The following BST1 variants were observed in gnomAD, a reference collection of about 807,000 sequenced individuals.
BST1 encodes the protein bone marrow stromal cell antigen 1.
Under a neutral mutation model 40.6 loss-of-function variants are expected in BST1, and 49 were observed. The ratio of observed to expected loss-of-function variants is 1.21; its 90% CI spans 0.96 to 1.53. The LOEUF (loss-of-function observed/expected upper bound fraction) is 1.53, where lower values mean the gene tolerates loss of function less well. BST1 is among the 40% of genes most tolerant of loss of function. BST1 has a pLI of 0.00. For synonymous variants in BST1, 157 were observed against 159.3 expected (o/e 0.99, Z 0.11); for missense variants, 423 against 395.9 (o/e 1.07, Z -0.58).
chr4:15,747,692 G>C, the BST1 span, among the ~76,000 whole-genome samples: 1 of 152,092 alleles, frequency 6.6e-6, no homozygotes, highest in African/African-American at 2.4e-5. Context: ...ATTTATTAGA[G>C]ACAAGTTCCT....
the BST1 span, among the ~76,000 whole-genome samples, chr4:15,744,101 T>C: frequency 6.6e-6 from 1 of 152,324 alleles, no homozygotes; most frequent in East Asian, 1.9e-4. Flanking sequence ...CTGTGTAGTA[T>C]ACAGATGAGG....
chr4:15,712,389 C>T (rs978994209), intron 4 of BST1, among the ~76,000 whole-genome samples: 2 of 152,154 alleles, frequency 1.3e-5, no homozygotes, highest in Admixed American at 6.5e-5. Flanking sequence ...ATGATGTCAC[C>T]AGAGTTGATG....
At chr4:15,738,864 A>C (rs912254805), downstream of BST1, among the ~76,000 whole-genome samples, 8 of 152,228 alleles carry the variant, frequency 5.3e-5, no homozygotes, top group Non-Finnish European at 1.0e-4. Flanking sequence ...AACATGGCTG[A>C]TTGAGAAGTA....
the BST1 span, among the ~76,000 whole-genome samples, chr4:15,748,861 G>A: frequency 2.4e-3 from 369 of 152,272 alleles, 1 homozygote; most frequent in African/African-American, 8.4e-3. Flanking sequence ...CTATAATAGC[G>A]TGTAAGTCAG....
the BST1 span, among the ~76,000 whole-genome samples, chr4:15,746,900 G>A: frequency 6.6e-6 from 1 of 152,160 alleles, no homozygotes; most frequent in Non-Finnish European, 1.5e-5. Flanking sequence ...AACTGAGGGG[G>A]CCCATGATTG....
chr4:15,703,066 T>G lies in BST1; in HGVS notation c.-79T>G. Reference sequence around the variant, plus strand: ...ATCCGAGCGAGAGTCCCGCCCTGCATCAGTTTGCGGAACCGCCTTGGTAGA... The same window carrying G: ...ATCCGAGCGAGAGTCCCGCCCTGCAGCAGTTTGCGGAACCGCCTTGGTAGA... On this transcript the variant is annotated 5_prime_UTR_variant, in exon 1 of 9. Coordinates refer to ENST00000265016, the MANE Select transcript of BST1 (RefSeq NM_004334.3). 2 of 1,473,328 alleles carry G rather than the reference T, an allele frequency of 1.4e-6. No individual in the cohort carries two copies. The allele number at this position is 1,473,328 out of a possible 1,614,324, so 91.3% of individuals were successfully genotyped here.
intron 8 of BST1, among the ~76,000 whole-genome samples, chr4:15,727,962 G>T (rs769868786): frequency 6.6e-6 from 1 of 151,348 alleles, no homozygotes. Context: ...ACAGCAAGCA[G>T]AAGACCCCAT....
chr4:15,769,771 A>G, the BST1 span, among the ~76,000 whole-genome samples: 1 of 152,146 alleles, frequency 6.6e-6, no homozygotes, highest in Admixed American at 6.5e-5. Context: ...TACTACCAAA[A>G]TGTTAGTGGT....
intron 1 of BST1, among the ~76,000 whole-genome samples, chr4:15,705,165 A>T (rs551000283): frequency 1.3e-5 from 2 of 152,072 alleles, no homozygotes; most frequent in East Asian, 1.9e-4. Flanking sequence ...CTGGAACTGG[A>T]CTATGAGACT....
chr4:15,755,341 G>A, the BST1 span, among the ~76,000 whole-genome samples: 1 of 152,106 alleles, frequency 6.6e-6, no homozygotes, highest in Non-Finnish European at 1.5e-5. Flanking sequence ...GTTTCACCAT[G>A]TTTGTCTGGC....
the BST1 span, among the ~76,000 whole-genome samples, chr4:15,774,155 G>T: frequency 1.3e-5 from 2 of 152,178 alleles, no homozygotes; most frequent in African/African-American, 2.4e-5. Context: ...TGCAGACAGA[G>T]TGAGAAGACA....
In BST1 at chr4:15,703,233, C is replaced by T; in HGVS notation, c.89C>T (p.Ala30Val). The T allele has an allele frequency of 6.5e-7, 1 of 1,538,974 alleles. No individual in the cohort carries two copies. ...CTGTTGCTGCTGGCGGCGGGCGGGG[C>T]GCGCGCGCGGTGGCGCGGGGAGGGC... The part of the protein sequence containing the change: ...LLLLLLAAGG[A>V]RARWRGEGTS... The change falls in exon 1 of 9, where the codon GCG becomes GTG. Residue 30 changes from alanine (A) to valine (V), a missense_variant. Transcript: ENST00000265016.
rs1044979754 is a variant in BST1 at position 15,707,592 on chromosome 4, C to T, written c.397C>T (p.Leu133=). The change falls in exon 3 of 9, where the codon CTG becomes TTG. Residue 133 remains leucine, a synonymous_variant. Coordinates refer to ENST00000265016, the MANE Select transcript of BST1 (RefSeq NM_004334.3). ...TCGTTTTATGCCCCTGAGCGATGTT[C>T]TGTATGGCAGGGTTGCAGATTTCTT... ...TRRFMPLSDV[L]YGRVADFLSW... 5 of 1,613,622 alleles carry T rather than the reference C, an allele frequency of 3.1e-6. No homozygotes were observed. In the Admixed American group the frequency reaches 8.3e-5, roughly 27 times the overall value.
intron 4 of BST1, among the ~76,000 whole-genome samples, 182 bp from the exon 5 acceptor site, chr4:15,715,103 G>C (rs1380050622): frequency 1.3e-5 from 2 of 152,122 alleles, no homozygotes. Flanking sequence ...TGAGTTTTTT[G>C]ACATTTCAAG....
At chr4:15,755,191 T>G in the BST1 span, among the ~76,000 whole-genome samples, 1 of 152,134 alleles carries the variant, frequency 6.6e-6, no homozygotes, top group South Asian at 2.1e-4. Context: ...CAGGCTGGAG[T>G]GCAGTAGTGC....
the BST1 span, among the ~76,000 whole-genome samples, chr4:15,762,601 C>G: frequency 6.6e-6 from 1 of 151,842 alleles, no homozygotes; most frequent in African/African-American, 2.4e-5. Context: ...TTCTGCTAAC[C>G]CCAACTTCCT....
rs867938376 is a variant in BST1 at position 15,703,635 on chromosome 4, T to G, written c.188+303T>G. Among the ~76,000 whole-genome samples, 195 of 109,198 alleles carry G rather than the reference T, an allele frequency of 1.8e-3. 1 individual carries two copies. The highest frequency in any genetic ancestry group is 6.4e-3 in the African/African-American group (174 of 27,356). 71.6% of individuals were successfully genotyped at this position (109,198 alleles called of 152,430 possible). A position where few individuals can be genotyped will look rare whatever the true frequency, so the allele number is the denominator to read the frequency against. On this transcript the variant is annotated intron_variant, in intron 1 of 8. Transcript: ENST00000265016. ...GCGTGTGTTCTAGAGGTGAGGGGGGTGTGTGTGTGCGCGCGCTCTAGAGGT... is the reference window on the plus strand; with the variant it reads ...GCGTGTGTTCTAGAGGTGAGGGGGGGGTGTGTGTGCGCGCGCTCTAGAGGT...
At chr4:15,709,312 G>A (rs1282990796) in intron 3 of BST1, among the ~76,000 whole-genome samples, 1 of 152,148 alleles carries the variant, frequency 6.6e-6, no homozygotes, top group African/African-American at 2.4e-5. Flanking sequence ...TGAGGTGGGA[G>A]CGTGTGTGAC....
downstream of BST1, among the ~76,000 whole-genome samples, chr4:15,739,016 T>G (rs554998032): frequency 2.6e-5 from 4 of 152,204 alleles, no homozygotes; most frequent in Non-Finnish European, 5.9e-5. Flanking sequence ...GACTCTGCAG[T>G]TGCTAGAACT....
Sources: gnomAD v4.1 joint callset for allele counts (sites outside exome capture counted in the v4.1 genomes callset) on GRCh38, gnomAD v4.1.1 for gene constraint, MANE v1.5 for transcripts, NCBI Gene and HGNC (gene_info 2026-07-23, HGNC 2026-07-21) for gene names.